BTBD7: variants seen among roughly 807,000 people sequenced by gnomAD.
BTBD7 encodes the protein BTB domain containing 7, also known as BTB/POZ domain-containing protein 7.
A neutral mutation model predicts 99.9 loss-of-function variants in BTBD7; 38 were observed. The ratio of observed to expected loss-of-function variants is 0.38; its 90% CI spans 0.29 to 0.50. The LOEUF (loss-of-function observed/expected upper bound fraction) is 0.50. Among genes scored for constraint, BTBD7 ranks in the 20% least tolerant of loss-of-function variants. The pLI is 0.93. For synonymous variants in BTBD7, 520 were observed against 511.4 expected (o/e 1.02, Z -0.23); for missense variants, 1,170 against 1,394.6 (o/e 0.84, Z 2.57).
intron 1 of BTBD7, among the ~76,000 whole-genome samples, chr14:93,324,884 A>G (rs778146042): frequency 4.1e-4 from 62 of 152,226 alleles, no homozygotes; most frequent in Non-Finnish European, 8.5e-4. Context: ...AAAGAAGAGA[A>G]AAGTAGACAT....
intron 3 of BTBD7, among the ~76,000 whole-genome samples, chr14:93,277,284 C>T (rs574018509): frequency 4.6e-5 from 7 of 152,198 alleles, no homozygotes; most frequent in South Asian, 4.1e-4. Flanking sequence ...TTATCTAATA[C>T]GGCATTTAAA....
chr14:93,252,914 C>A (rs1206939370), intron 7 of BTBD7, among the ~76,000 whole-genome samples: 5 of 151,878 alleles, frequency 3.3e-5, no homozygotes, highest in Admixed American at 2.0e-4. Flanking sequence ...GCCTTTGCCT[C>A]CCAGGCTCAG....
chr14:93,242,598 A>G lies in BTBD7; in HGVS notation c.3074T>C (p.Ile1025Thr), dbSNP rs2052246067. ...GHLHRQKNEP[I>T]HLDVVEQPPQ... ...AGGTTGCTCAACGACATCCAGGTGT[A>G]TCGGCTCATTCTTTTGTCTGTGTAG... The change falls in exon 11 of 11, where the codon ATA becomes ACA. Residue 1025 changes from isoleucine to threonine, a missense_variant. By Grantham distance (89) the Ile-to-Thr change is moderately conservative. Coordinates refer to ENST00000334746, the MANE Select transcript of BTBD7 (RefSeq NM_001002860.4). 1.9e-6 allele frequency: 3 copies of G among 1,614,248 alleles called. No individual in the cohort carries two copies. The highest frequency in any genetic ancestry group is 2.5e-6 in the Non-Finnish European group (3 of 1,180,040).
intron 1 of BTBD7, among the ~76,000 whole-genome samples, chr14:93,332,534 TCCCCGCCCCGAGCGCCACA>T (rs1246112406): frequency 8.1e-4 from 122 of 150,756 alleles, no homozygotes; most frequent in African/African-American, 2.8e-3. Context: ...CGGGCCGCTC[TCCCCGCCCCGAGCGCCACA>T]CCTCGCGCCC....
Position 93,263,923 on chromosome 14 carries a change from A to G in BTBD7, c.1233T>C (p.His411=). ...GGTGCACCCATTTAGAGCCATATGG[A>G]TGAGAACTCCACTTGAGGATGGCAA... ...TLIAILKWSS[H]PYGSKWVHRQ... Residue 411 remains histidine (H), a synonymous_variant, in exon 4 of 11, where the codon CAT becomes CAC. Transcript: ENST00000334746. 1 of 1,614,210 alleles carries G rather than the reference A, an allele frequency of 6.2e-7. No homozygotes were observed. The highest frequency in any genetic ancestry group is 8.5e-7 in the Non-Finnish European group (1 of 1,180,024).
chr14:93,303,206 C>T (rs2053026059), intron 1 of BTBD7, among the ~76,000 whole-genome samples: 1 of 152,086 alleles, frequency 6.6e-6, no homozygotes, highest in Admixed American at 6.6e-5. Flanking sequence ...AGGATTCTTC[C>T]AACAGTCCAG....
At chr14:93,329,352 GA>G (rs200874021) in intron 1 of BTBD7, among the ~76,000 whole-genome samples, 2 of 151,006 alleles carry the variant, frequency 1.3e-5, no homozygotes, top group African/African-American at 2.4e-5. Context: ...TGAATATTAG[GA>G]AAAAAAAACC....
At chr14:93,274,405 C>T (rs1021786138) in intron 3 of BTBD7, among the ~76,000 whole-genome samples, 2 of 152,204 alleles carry the variant, frequency 1.3e-5, no homozygotes, top group African/African-American at 4.8e-5. Context: ...GTCAGCACCT[C>T]TGGAAATCTG....
Position 93,246,022 on chromosome 14 carries a change from G to A in BTBD7, c.2386C>T (p.Pro796Ser), listed in dbSNP as rs745781357. ...GAGTGGAACAGCGAATGATTACAGG[G>A]ATAAGAAAATGAACGTGAAGGGTGC... ...SQHPSRSFSY[P>S]CNHSLFHSRT... The change falls in exon 10 of 11, where the codon CCC becomes TCC. Residue 796 changes from proline (P) to serine (S), a missense_variant. Pro to Ser is a moderately conservative substitution (Grantham distance 74). Around this residue, in one of 4 missense-constraint regions of BTBD7, gnomAD observed 495 missense variants for 525.9 expected, o/e 0.94. Coordinates refer to ENST00000334746, the MANE Select transcript of BTBD7 (RefSeq NM_001002860.4). 7 of 1,612,512 alleles carry A rather than the reference G, an allele frequency of 4.3e-6. No homozygotes were observed. In the African/African-American group the frequency reaches 9.4e-5, roughly 22 times the overall value.
intron 3 of BTBD7, among the ~76,000 whole-genome samples, chr14:93,286,651 C>T (rs913757688): frequency 6.6e-6 from 1 of 152,184 alleles, no homozygotes. Context: ...CCTTCTCCTA[C>T]CATGCCCAAA....
At chr14:93,269,814 C>T (rs1246802945) in intron 3 of BTBD7, among the ~76,000 whole-genome samples, 2 of 152,250 alleles carry the variant, frequency 1.3e-5, no homozygotes, top group East Asian at 3.9e-4. Context: ...GGGAACTGGG[C>T]TTGCCTTCTT....
At chr14:93,285,065 GCC>G (rs1484799339) in intron 3 of BTBD7, among the ~76,000 whole-genome samples, 1 of 152,024 alleles carries the variant, frequency 6.6e-6, no homozygotes, top group East Asian at 1.9e-4. Flanking sequence ...CTTTAGCTTG[GCC>G]CCATTCTTCT....
At position 93,278,346 on chromosome 14, in the gene BTBD7, G is replaced by A. The variant is rs528345896; in HGVS notation, c.1163-14353C>T. Among the ~76,000 whole-genome samples the A allele has an allele frequency of 5.3e-5, 8 of 152,262 alleles. No individual in the cohort carries two copies. In the South Asian group the frequency reaches 6.2e-4, roughly 12 times the overall value. On this transcript the variant is annotated intron_variant, in intron 3 of 10. Transcript: ENST00000334746. ...GGAGAATCGCTTGAGCCCAGGAGGC[G>A]GAGGTTGCAGTGAGCTGAGATTGCA...
At position 93,327,751 on chromosome 14, in the gene BTBD7, C is replaced by T. The variant is rs988047499; in HGVS notation, c.-107+5069G>A. Among the ~76,000 whole-genome samples, 3 of 152,006 alleles carry T rather than the reference C, an allele frequency of 2.0e-5. 1 individual carries two copies. The highest frequency in any genetic ancestry group is 4.8e-5 in the African/African-American group (2 of 41,368). On this transcript the variant is annotated intron_variant, in intron 1 of 10. Transcript: ENST00000334746. ...GATGCCTGCTTTTACCACCTCTAGT[C>T]GACACAGTACCGGAAGTCCTAGCTG...
intron 1 of BTBD7, among the ~76,000 whole-genome samples, chr14:93,322,042 T>C (rs1463435812): frequency 6.6e-6 from 1 of 152,192 alleles, no homozygotes; most frequent in African/African-American, 2.4e-5. Context: ...TGGCAAGATA[T>C]GAGCCATAGG....
Position 93,238,580 on chromosome 14 carries a change from C to T in BTBD7, c.*3693G>A, listed in dbSNP as rs895707400. 2 of 152,356 alleles carry T rather than the reference C, an allele frequency of 1.3e-5. No individual in the cohort carries two copies. Among genetic ancestry groups the T allele is most frequent in the African/African-American group, 4.8e-5 (2 of 41,438 alleles). The allele number at this position is 152,356 out of a possible 1,614,324, so 9.4% of individuals were successfully genotyped here. A position where few individuals can be genotyped will look rare whatever the true frequency, so the allele number is the denominator to read the frequency against. ...GAAGCATTTCCCTTTGAATTCAGTC[C>T]TAAAAATATGAATGCCTTATAATTA... On this transcript the variant is annotated 3_prime_UTR_variant, in exon 11 of 11. Transcript: ENST00000334746.
At chr14:93,298,110 G>A (rs2139776357) in intron 1 of BTBD7, among the ~76,000 whole-genome samples, 1 of 152,272 alleles carries the variant, frequency 6.6e-6, no homozygotes, top group South Asian at 2.1e-4. Context: ...ACATAGCAGA[G>A]TATGCTTATG....
intron 3 of BTBD7, among the ~76,000 whole-genome samples, chr14:93,292,292 AAT>A (rs1172941645): frequency 1.3e-5 from 2 of 152,178 alleles, no homozygotes; most frequent in South Asian, 2.1e-4. Context: ...ATTTTGAGAA[AAT>A]ATAGTTTTTT....
chr14:93,319,931 A>G (rs751186958), intron 1 of BTBD7, among the ~76,000 whole-genome samples: 4 of 152,222 alleles, frequency 2.6e-5, no homozygotes, highest in Non-Finnish European at 4.4e-5. Flanking sequence ...AAAGGGGCAA[A>G]GATGATGCCA....
Sources: allele counts gnomAD v4.1 joint callset (sites outside exome capture counted in the v4.1 genomes callset), GRCh38; gene constraint gnomAD v4.1.1; regional missense constraint gnomAD v4.1.1; transcripts MANE v1.5; gene names NCBI Gene and HGNC (gene_info 2026-07-23, HGNC 2026-07-21).